ACTR3C: variants seen among roughly 807,000 people sequenced by gnomAD.
ACTR3C encodes the protein actin-related protein 3C.
A neutral mutation model predicts 26.3 loss-of-function variants in ACTR3C; 18 were observed. That is an observed-to-expected ratio of 0.68 (90% CI 0.47 to 1.01). ACTR3C has a LOEUF of 1.01. ACTR3C is among the 50% of genes least tolerant of loss of function. ACTR3C has a pLI of 0.00. For missense variants in ACTR3C, 184 were observed against 250.7 expected (o/e 0.73, Z 1.80); for synonymous variants, 55 against 94.5 (o/e 0.58, Z 2.42).
chr7:150,038,567 C>G, the ACTR3C span, among the ~76,000 whole-genome samples: 13 of 145,618 alleles, frequency 8.9e-5, no homozygotes, highest in East Asian at 2.5e-3. Flanking sequence ...TCTCACCTGC[C>G]TTCTGCCCTT....
the ACTR3C span, among the ~76,000 whole-genome samples, chr7:150,219,863 G>T: frequency 1.4e-5 from 2 of 145,112 alleles, no homozygotes; most frequent in South Asian, 2.1e-4. Context: ...GCCCAGGGGG[G>T]TCTGATTGTG....
At chr7:150,141,448 T>C in the ACTR3C span, among the ~76,000 whole-genome samples, 3 of 151,732 alleles carry the variant, frequency 2.0e-5, no homozygotes, top group Non-Finnish European at 2.9e-5. Context: ...GCATGCTATG[T>C]GCCAGGGAAA....
chr7:150,122,421 G>A, the ACTR3C span, among the ~76,000 whole-genome samples: 1 of 152,028 alleles, frequency 6.6e-6, no homozygotes. Context: ...TCAAAAAGTG[G>A]GCAAAGGATA....
the ACTR3C span, among the ~76,000 whole-genome samples, chr7:149,948,800 C>G: frequency 2.6e-5 from 4 of 151,996 alleles, no homozygotes; most frequent in East Asian, 1.9e-4. Context: ...CCTCAGCTAC[C>G]AGGACACCTT....
chr7:150,114,732 A>G, the ACTR3C span, among the ~76,000 whole-genome samples: 12 of 152,232 alleles, frequency 7.9e-5, 3 homozygotes, highest in South Asian at 2.1e-3. Flanking sequence ...AAACAAAGAC[A>G]TTTTTCTGTC....
the ACTR3C span, among the ~76,000 whole-genome samples, chr7:149,963,300 C>G: frequency 2.0e-5 from 3 of 152,188 alleles, no homozygotes; most frequent in African/African-American, 7.2e-5. Flanking sequence ...CAGCCCCACC[C>G]TGACATTTTT....
At chr7:150,302,655 G>C (rs907731709) in intron 1 of ACTR3C, among the ~76,000 whole-genome samples, 1 of 152,056 alleles carries the variant, frequency 6.6e-6, no homozygotes, top group African/African-American at 2.4e-5. Context: ...AATGTGATAA[G>C]ACTATAAAAA....
chr7:150,192,317 G>T, the ACTR3C span, among the ~76,000 whole-genome samples: 2 of 151,826 alleles, frequency 1.3e-5, no homozygotes, highest in African/African-American at 4.9e-5. Flanking sequence ...TTCCAAGACA[G>T]GGTCTTGCTC....
At chr7:149,978,708 C>T in the ACTR3C span, among the ~76,000 whole-genome samples, 9 of 151,906 alleles carry the variant, frequency 5.9e-5, no homozygotes, top group African/African-American at 1.9e-4. Context: ...ACTGGTAACA[C>T]TAGGCCCACT....
At chr7:149,959,627 T>G in the ACTR3C span, among the ~76,000 whole-genome samples, 1 of 152,188 alleles carries the variant, frequency 6.6e-6, no homozygotes, top group East Asian at 1.9e-4. Context: ...CACAGGGGGA[T>G]GCAGAGAGGT....
the ACTR3C span, among the ~76,000 whole-genome samples, chr7:149,917,523 T>C: frequency 6.6e-6 from 1 of 152,152 alleles, no homozygotes. Flanking sequence ...TATTTATATA[T>C]AATTGAAACT....
At chr7:149,970,775 T>C in the ACTR3C span, among the ~76,000 whole-genome samples, 1 of 152,306 alleles carries the variant, frequency 6.6e-6, no homozygotes, top group African/African-American at 2.4e-5. Flanking sequence ...AAAATGAATA[T>C]TGAAGATGTT....
At chr7:150,305,042 A>C (rs1795703670) in intron 1 of ACTR3C, among the ~76,000 whole-genome samples, 1 of 151,782 alleles carries the variant, frequency 6.6e-6, no homozygotes, top group African/African-American at 2.4e-5. Flanking sequence ...TCTCAGCTTC[A>C]ACATACTGGG....
the ACTR3C span, among the ~76,000 whole-genome samples, chr7:149,999,128 AC>A: frequency 6.6e-6 from 1 of 150,640 alleles, no homozygotes; most frequent in Non-Finnish European, 1.5e-5. Context: ...GATCCCTGCT[AC>A]CCAGACCCTG....
At chr7:150,154,764 T>C in the ACTR3C span, among the ~76,000 whole-genome samples, 1 of 151,976 alleles carries the variant, frequency 6.6e-6, no homozygotes, top group Non-Finnish European at 1.5e-5. Flanking sequence ...TCCTCTGAGT[T>C]TGTAATTTAG....
At chr7:149,954,834 G>C in the ACTR3C span, among the ~76,000 whole-genome samples, 1 of 152,162 alleles carries the variant, frequency 6.6e-6, no homozygotes, top group Non-Finnish European at 1.5e-5. Context: ...CTGAATAGGG[G>C]ATGCCTAATT....
chr7:150,063,891 C>G, the ACTR3C span, among the ~76,000 whole-genome samples: 6 of 152,172 alleles, frequency 3.9e-5, no homozygotes, highest in Non-Finnish European at 7.3e-5. Context: ...TCCCCCCTCC[C>G]TCTTCCTATA....
chr7:150,202,931 C>T, the ACTR3C span, among the ~76,000 whole-genome samples: 1 of 152,208 alleles, frequency 6.6e-6, no homozygotes, highest in South Asian at 2.1e-4. Flanking sequence ...AAATGTCTAA[C>T]CCCAGTTCAA....
At chr7:150,037,977 G>C in the ACTR3C span, among the ~76,000 whole-genome samples, 5 of 139,922 alleles carry the variant, frequency 3.6e-5, no homozygotes, top group South Asian at 2.2e-4. Flanking sequence ...GAAAGGGGGA[G>C]GTTCGCAGTC....
Sources: allele counts gnomAD v4.1 joint callset (sites outside exome capture counted in the v4.1 genomes callset), GRCh38; gene constraint gnomAD v4.1.1; transcripts MANE v1.5; gene names NCBI Gene and HGNC (gene_info 2026-07-23, HGNC 2026-07-21).